The following RASSF3 variants were observed in gnomAD, a reference collection of about 807,000 sequenced individuals.
The protein encoded by RASSF3 is ras association domain-containing protein 3.
In RASSF3, 19 loss-of-function variants were observed where a neutral mutation model predicts 19.9. That is an observed-to-expected ratio of 0.96 (90% CI 0.67 to 1.40). RASSF3 has a LOEUF of 1.40. Among genes scored for constraint, RASSF3 ranks in the 40% most tolerant of loss-of-function variants. The pLI is 0.00. For synonymous variants in RASSF3, 110 were observed against 104.2 expected, an observed-to-expected ratio of 1.06 and a Z score of -0.34; for missense variants, 306 against 289.8, an observed-to-expected ratio of 1.06 and a Z score of -0.41.
At chr12:64,573,747 G>A (rs1000967280) in intron 2 of RASSF3, among the ~76,000 whole-genome samples, 1 of 152,116 alleles carries the variant, frequency 6.6e-6, no homozygotes, top group Non-Finnish European at 1.5e-5. Flanking sequence ...AAAGATTGAA[G>A]TTTAAATCTT....
At chr12:64,581,149 A>G (rs1189477912) in intron 2 of RASSF3, among the ~76,000 whole-genome samples, 1 of 151,508 alleles carries the variant, frequency 6.6e-6, no homozygotes, top group Non-Finnish European at 1.5e-5. Context: ...ATAAACACTG[A>G]TTTAAGCTAA....
chr12:64,654,432 C>G (rs1233703527), intron 1 of RASSF3, among the ~76,000 whole-genome samples: 1 of 151,922 alleles, frequency 6.6e-6, no homozygotes. Context: ...TCCCAAAGTG[C>G]TAGGTTTAAA....
intron 2 of RASSF3, among the ~76,000 whole-genome samples, chr12:64,686,286 A>C (rs1200723904): frequency 6.6e-6 from 1 of 152,094 alleles, no homozygotes; most frequent in African/African-American, 2.4e-5. Context: ...CACACCTGTA[A>C]TCTCAGCATT....
intron 1 of RASSF3, among the ~76,000 whole-genome samples, chr12:64,630,324 G>A (rs945616927): frequency 1.3e-5 from 2 of 152,120 alleles, no homozygotes; most frequent in Admixed American, 6.6e-5. Context: ...CCAGGAGTTT[G>A]AGACCAGACT....
At chr12:64,678,604 G>A (rs1196393910) in intron 1 of RASSF3, among the ~76,000 whole-genome samples, 1 of 121,940 alleles carries the variant, frequency 8.2e-6, no homozygotes. Context: ...TTGTTTGTTT[G>A]TTTTTGGTAA....
intron 1 of RASSF3, among the ~76,000 whole-genome samples, chr12:64,674,368 C>T (rs1315262184): frequency 6.6e-6 from 1 of 152,182 alleles, no homozygotes; most frequent in Admixed American, 6.5e-5. Flanking sequence ...GAATGGAGCC[C>T]TCTTCTATAT....
intron 1 of RASSF3, chr12:64,622,473 T>C: frequency 1.9e-6 from 1 of 531,278 alleles, no homozygotes; most frequent in South Asian, 1.4e-5. Flanking sequence ...AGGCTTACTG[T>C]CTTTTGTTGA....
chr12:64,550,663 G>A (rs954962502), intron 2 of RASSF3, among the ~76,000 whole-genome samples: 4 of 151,114 alleles, frequency 2.6e-5, no homozygotes, highest in African/African-American at 7.3e-5. Flanking sequence ...TCCAAAAAAC[G>A]AAAAGAAAAA....
At chr12:64,516,432 G>C (rs10878184) in intron 1 of RASSF3, among the ~76,000 whole-genome samples, 2 of 151,424 alleles carry the variant, frequency 1.3e-5, no homozygotes, top group African/African-American at 4.9e-5. Context: ...ATCCCGACTA[G>C]AACGGTGAAA....
At position 64,517,814 on chromosome 12, in the gene RASSF3, T is replaced by C. The variant is rs539841955; in HGVS notation, c.169+10485T>C. Among the ~76,000 whole-genome samples the C allele has an allele frequency of 1.2e-4, 19 of 152,054 alleles. No homozygotes were observed. In the East Asian group the frequency reaches 3.3e-3, roughly 26 times the overall value. On this transcript the variant is annotated intron_variant, in intron 1 of 5. Coordinates refer to the RASSF3 transcript ENST00000637125. ...TTGTACTTTTTGTAGAGATGGGGTC[T>C]CACTATGTTGCCCAGGCTGGTCTTG...
At chr12:64,580,613 CAT>C (rs1555210227) in intron 2 of RASSF3, among the ~76,000 whole-genome samples, 2 of 150,814 alleles carry the variant, frequency 1.3e-5, no homozygotes, top group Non-Finnish European at 1.5e-5. Context: ...CACACACACA[CAT>C]CCACACAGAT....
chr12:64,617,975 A>C (rs563685885), intron 1 of RASSF3, among the ~76,000 whole-genome samples: 55 of 152,342 alleles, frequency 3.6e-4, no homozygotes, highest in African/African-American at 1.3e-3. Flanking sequence ...AAACGTAATC[A>C]TCTTCAAGGT....
In RASSF3 at chr12:64,667,842, A is replaced by G. The variant is rs572611525; in HGVS notation, c.112-16945A>G. Reference sequence around the variant, plus strand: ...TTGCCCTCAAAAGAGGACAGAGGGCAGGACTGGCTATGCATGCATGCTCAC... The same window carrying G: ...TTGCCCTCAAAAGAGGACAGAGGGCGGGACTGGCTATGCATGCATGCTCAC... On this transcript the variant is annotated intron_variant, in intron 1 of 4. Coordinates refer to ENST00000542104, the MANE Select transcript of RASSF3 (RefSeq NM_178169.4). Among the ~76,000 whole-genome samples the G allele has an allele frequency of 2.2e-4, 33 of 152,360 alleles. 1 individual carries two copies. In the South Asian group the frequency reaches 6.8e-3, roughly 32 times the overall value.
intron 1 of RASSF3, among the ~76,000 whole-genome samples, chr12:64,519,810 G>A (rs1256511672): frequency 4.0e-5 from 6 of 151,814 alleles, no homozygotes; most frequent in African/African-American, 1.2e-4. Context: ...GTTTATAAGC[G>A]CATATATGTG....
chr12:64,674,364 A>G (rs989620609), intron 1 of RASSF3, among the ~76,000 whole-genome samples: 1 of 152,208 alleles, frequency 6.6e-6, no homozygotes. Context: ...ACAGGAATGG[A>G]GCCCTCTTCT....
At chr12:64,675,045 GCCCCCCCCC>G (rs1226885486) in intron 1 of RASSF3, among the ~76,000 whole-genome samples, 1 of 57,490 alleles carries the variant, frequency 1.7e-5, no homozygotes, top group Admixed American at 1.9e-4. Flanking sequence ...TACCCACCTA[GCCCCCCCCC>G]CCCCCGCCAC....
intron 2 of RASSF3, among the ~76,000 whole-genome samples, chr12:64,567,487 C>T (rs1374255619): frequency 1.3e-5 from 2 of 152,286 alleles, no homozygotes; most frequent in East Asian, 3.9e-4. Context: ...TCAGCCCTGG[C>T]CCCTCAAACC....
At chr12:64,662,633 A>G (rs1592453661) in intron 1 of RASSF3, among the ~76,000 whole-genome samples, 1 of 152,364 alleles carries the variant, frequency 6.6e-6, no homozygotes, top group Non-Finnish European at 1.5e-5. Context: ...AGTTGCAAGA[A>G]GTAAATAAAG....
At chr12:64,609,105 C>T (rs1056351142), upstream of RASSF3, among the ~76,000 whole-genome samples, 3 of 152,134 alleles carry the variant, frequency 2.0e-5, no homozygotes, top group Middle Eastern at 3.2e-3. Flanking sequence ...AGTAGGATGA[C>T]TCATGAGTCA....
Sources: allele counts gnomAD v4.1 joint callset (sites outside exome capture counted in the v4.1 genomes callset), GRCh38; gene constraint gnomAD v4.1.1; transcripts MANE v1.5; gene names NCBI Gene and HGNC (gene_info 2026-07-23, HGNC 2026-07-21).